STIL: variants seen among roughly 807,000 people sequenced by gnomAD.
STIL encodes the protein STIL centriolar assembly protein.
STIL carries 55 observed loss-of-function variants against 110.1 expected under a neutral mutation model. The observed-to-expected ratio is 0.50, with a 90% CI of 0.40 to 0.63. The LOEUF is 0.63. STIL is among the 20% of genes least tolerant of loss of function. The pLI is 0.00. For missense variants in STIL, 1,358 were observed against 1,530.0 expected (o/e 0.89, Z 1.87); for synonymous variants, 481 against 530.0 (o/e 0.91, Z 1.27).
intron 13 of STIL, among the ~76,000 whole-genome samples, chr1:47,270,253 TATACACACACACAC>T (rs1169660354): frequency 2.5e-5 from 3 of 118,212 alleles, no homozygotes; most frequent in South Asian, 2.8e-4. Context: ...TATATATATA[TATACACACACACAC>T]ACACACACAC....
At chr1:47,310,452 T>G in intron 1 of STIL, 90 bp from the exon 2 acceptor site, 2 of 752,134 alleles carry the variant, frequency 2.7e-6, no homozygotes, top group South Asian at 3.2e-5. Context: ...CAGGCAAAAT[T>G]AGATTACTTA....
chr1:47,297,585 T>A (rs1013122860), intron 6 of STIL, among the ~76,000 whole-genome samples: 10 of 151,322 alleles, frequency 6.6e-5, no homozygotes, highest in Non-Finnish European at 1.0e-4. Context: ...AAATGTCAAA[T>A]TTTTTTTTAA....
intron 3 of STIL, among the ~76,000 whole-genome samples, chr1:47,303,341 G>A (rs1453580919): frequency 6.6e-6 from 1 of 151,476 alleles, no homozygotes; most frequent in East Asian, 1.9e-4. Context: ...GAGGCAGGTG[G>A]ATCACCTGAG....
At chr1:47,264,930 T>TA (rs35230201) in intron 14 of STIL, among the ~76,000 whole-genome samples, 40,267 of 128,776 alleles carry the variant, frequency 0.31, 6,470 homozygotes, top group Middle Eastern at 0.38. Flanking sequence ...TTTCTAAAGT[T>TA]AAAAAAAAAA....
intron 6 of STIL, 65 bp from the exon 7 acceptor site, chr1:47,295,913 C>A (rs531650144): frequency 4.2e-6 from 5 of 1,186,814 alleles, no homozygotes; most frequent in Admixed American, 3.4e-5. Context: ...AAGACATAAT[C>A]TAAATGCTGA....
chr1:47,270,338 C>T (rs1019340349), intron 13 of STIL, among the ~76,000 whole-genome samples: 3 of 146,198 alleles, frequency 2.1e-5, no homozygotes, highest in African/African-American at 7.6e-5. Flanking sequence ...CTCAGAAATG[C>T]CAGGAAGAGG....
At chr1:47,260,217 T>C (rs765792596) in intron 16 of STIL, 72 bp downstream of exon 16, 952 of 1,424,990 alleles carry the variant, frequency 6.7e-4, no homozygotes, top group Non-Finnish European at 8.2e-4. Flanking sequence ...TAGCCAATGA[T>C]GGGCAAAAAT....
In STIL at chr1:47,302,274, A is replaced by AT; in HGVS notation, c.224dup (p.Asn75LysfsTer16). The stretch of plus-strand genomic sequence containing the variant: ...GAGAACCAAGTAAAAAGCATGACGA[A>AT]TTTTTTTTATTCTGCTTAGCATGAC... On this transcript the variant is annotated frameshift_variant, in exon 4 of 17. Coordinates refer to ENST00000371877, the MANE Select transcript of STIL (RefSeq NM_001048166.1). LOFTEE classifies it high-confidence loss of function. The AT allele has an allele frequency of 6.2e-7, 1 of 1,612,652 alleles. No homozygotes were observed. The highest frequency in any genetic ancestry group is 1.7e-4 in the Middle Eastern group (1 of 6,054).
chr1:47,260,783 C>A (rs1644462980), intron 15 of STIL, among the ~76,000 whole-genome samples: 1 of 152,082 alleles, frequency 6.6e-6, no homozygotes. Context: ...GTAGGAGGAC[C>A]ACTTGAGCCA....
At chr1:47,303,498 G>A (rs1645866820) in intron 3 of STIL, among the ~76,000 whole-genome samples, 1 of 152,188 alleles carries the variant, frequency 6.6e-6, no homozygotes, top group East Asian at 1.9e-4. Context: ...ATGGGAGGCG[G>A]AGGTTGCAGT....
At chr1:47,292,061 T>C (rs1181065092) in intron 8 of STIL, among the ~76,000 whole-genome samples, 1 of 149,496 alleles carries the variant, frequency 6.7e-6, no homozygotes, top group African/African-American at 2.5e-5. Context: ...AGAGTCTTGC[T>C]ATGGTACCCA....
chr1:47,305,586 G>A (rs1645933958), intron 2 of STIL, among the ~76,000 whole-genome samples: 1 of 151,458 alleles, frequency 6.6e-6, no homozygotes, highest in Non-Finnish European at 1.5e-5. Context: ...ATACCACCAT[G>A]CCTGGCTAAT....
At chr1:47,312,747 G>T (rs1205556896) in intron 1 of STIL, among the ~76,000 whole-genome samples, 1 of 152,222 alleles carries the variant, frequency 6.6e-6, no homozygotes, top group East Asian at 1.9e-4. Flanking sequence ...ATATACATAA[G>T]GTACTTTCAT....
chr1:47,266,158 A>G lies in STIL; in HGVS notation c.2616-3042T>C, dbSNP rs1445294428. On this transcript the variant is annotated intron_variant, in intron 14 of 16. Coordinates refer to ENST00000371877, the MANE Select transcript of STIL (RefSeq NM_001048166.1). ...AGAGCTTTTCTGTATACTGTGGCAC[A>G]CACAATGAGTGCTTAATTTTATCAT... Among the ~76,000 whole-genome samples the G allele has an allele frequency of 3.9e-5, 6 of 152,202 alleles. No homozygotes were observed. The East Asian group carries it at 7.7e-4, about 20-fold the overall frequency.
At chr1:47,269,461 C>T (rs543397829) in intron 14 of STIL, among the ~76,000 whole-genome samples, 174 bp downstream of exon 14, 3 of 152,050 alleles carry the variant, frequency 2.0e-5, no homozygotes, top group Non-Finnish European at 4.4e-5. Flanking sequence ...AATGTTTTTA[C>T]CACAGAAAAA....
At chr1:47,270,980 A>G (rs1644818964) in intron 13 of STIL, among the ~76,000 whole-genome samples, 1 of 152,028 alleles carries the variant, frequency 6.6e-6, no homozygotes, top group South Asian at 2.1e-4. Flanking sequence ...CGCCCAGCCA[A>G]TTTCTCAATC....
chr1:47,276,266 T>A (rs528460369), intron 12 of STIL, among the ~76,000 whole-genome samples: 2 of 152,070 alleles, frequency 1.3e-5, no homozygotes, highest in South Asian at 4.1e-4. Context: ...TCTCCCAAAG[T>A]GCTGGGACTA....
chr1:47,289,071 A>AC (rs1645396141), intron 9 of STIL, among the ~76,000 whole-genome samples: 2 of 149,730 alleles, frequency 1.3e-5, no homozygotes, highest in African/African-American at 2.5e-5. Flanking sequence ...CAAAAAAAAA[A>AC]AAAAAAAAAA....
chr1:47,305,619 AG>A (rs778307139), intron 2 of STIL, among the ~76,000 whole-genome samples: 2 of 149,370 alleles, frequency 1.3e-5, no homozygotes, highest in Non-Finnish European at 3.0e-5. Flanking sequence ...TAGTAGAGAC[AG>A]GGTTTCACTG....
Sources: allele counts gnomAD v4.1 joint callset (sites outside exome capture counted in the v4.1 genomes callset), GRCh38; gene constraint gnomAD v4.1.1; transcripts MANE v1.5; gene names NCBI Gene and HGNC (gene_info 2026-07-23, HGNC 2026-07-21).